The following CCR8 variants were observed in gnomAD, a reference collection of about 807,000 sequenced individuals.
CCR8 encodes C-C chemokine receptor type 8.
For synonymous variants in CCR8, 156 were observed against 165.7 expected, an observed-to-expected ratio of 0.94 and a Z score of 0.45; for missense variants, 358 against 417.5, an observed-to-expected ratio of 0.86 and a Z score of 1.24.
At position 39,332,371 on chromosome 3, in the gene CCR8, GACT is replaced by G. The variant is rs753918361; in HGVS notation, c.49_51del (p.Tyr17del). The G allele has an allele frequency of 3.7e-6, 6 of 1,613,908 alleles. No homozygotes were observed. In the Admixed American group the frequency reaches 5.0e-5, roughly 13 times the overall value. Reference sequence around the variant, plus strand: ...TGACCTCAGTGTGACAACAGTGACCGACTACTACTACCCTGATATCTTCTCAAG... The same window carrying G: ...TGACCTCAGTGTGACAACAGTGACCGACTACTACCCTGATATCTTCTCAAG... On this transcript the variant is annotated inframe_deletion, in exon 2 of 2. Coordinates refer to ENST00000326306, the MANE Select transcript of CCR8 (RefSeq NM_005201.4).
chr3:39,331,357 C>T (rs2041254006), intron 1 of CCR8, among the ~76,000 whole-genome samples: 2 of 152,180 alleles, frequency 1.3e-5, no homozygotes, highest in South Asian at 4.1e-4. Flanking sequence ...GCTGTGTCCT[C>T]ACATGGTCTT....
chr3:39,333,087 C>T lies in CCR8; in HGVS notation c.756C>T (p.Val252=). 1 of 1,614,116 alleles carries T rather than the reference C, an allele frequency of 6.2e-7. No individual in the cohort carries two copies. Among genetic ancestry groups the T allele is most frequent in the African/African-American group, 1.3e-5 (1 of 75,020 alleles). ...TCATTGCATCTTTACTTTTCTGGGT[C>T]CCATTCAACGTGGTTCTTTTCCTCA... is the stretch of plus-strand genomic sequence containing the variant. ...IVVIASLLFW[V]PFNVVLFLTS... The change falls in exon 2 of 2, where the codon GTC becomes GTT. Residue 252 remains valine, a synonymous_variant. Coordinates refer to ENST00000326306, the MANE Select transcript of CCR8 (RefSeq NM_005201.4).
Position 39,333,212 on chromosome 3 carries a change from G to A in CCR8, c.881G>A (p.Cys294Tyr), listed in dbSNP as rs774697769. The A allele has an allele frequency of 1.2e-6, 2 of 1,613,948 alleles. No homozygotes were observed. The highest frequency in any genetic ancestry group is 2.2e-5 in the East Asian group (1 of 44,896). ...GAAATCATTTCCTTTACTCACTGCTGTGTGAACCCTGTTATCTATGCTTTT... is the reference window on the plus strand; with the variant it reads ...GAAATCATTTCCTTTACTCACTGCTATGTGAACCCTGTTATCTATGCTTTT... Reference protein sequence around the residue: ...VTEIISFTHCCVNPVIYAFVG... With the variant: ...VTEIISFTHCYVNPVIYAFVG... The change falls in exon 2 of 2, where the codon TGT (cysteine) becomes TAT (tyrosine). Residue 294 changes from cysteine to tyrosine, a missense_variant. Cys to Tyr is a radical substitution (Grantham distance 194). Coordinates refer to ENST00000326306, the MANE Select transcript of CCR8 (RefSeq NM_005201.4).
rs2041272707 is a variant in CCR8 at position 39,333,427 on chromosome 3, C to T, written c.*28C>T. On this transcript the variant is annotated 3_prime_UTR_variant, in exon 2 of 2. Coordinates refer to ENST00000326306, the MANE Select transcript of CCR8 (RefSeq NM_005201.4). ...ATCAATGAAGACTAAATATAAAAAACATTTTCTTGAATGGCATGCTAGTAG... is the reference window on the plus strand; with the variant it reads ...ATCAATGAAGACTAAATATAAAAAATATTTTCTTGAATGGCATGCTAGTAG... 1.3e-6 allele frequency: 2 copies of T among 1,549,144 alleles called. No homozygotes were observed. Among genetic ancestry groups the T allele is most frequent in the South Asian group, 1.2e-5 (1 of 83,544 alleles).
rs1276260599 is a variant in CCR8, at chr3:39,333,098, T to C, written c.767T>C (p.Val256Ala). ...TTACTTTTCTGGGTCCCATTCAACG[T>C]GGTTCTTTTCCTCACTTCCTTGCAC... ...ASLLFWVPFN[V>A]VLFLTSLHSM... The change falls in exon 2 of 2, where the codon GTG becomes GCG. Residue 256 changes from valine to alanine, a missense_variant. By Grantham distance (64) the Val-to-Ala change is moderately conservative. Transcript: ENST00000326306. The C allele has an allele frequency of 6.2e-7, 1 of 1,614,152 alleles. No homozygotes were observed. The highest frequency in any genetic ancestry group is 1.1e-5 in the South Asian group (1 of 91,080).
intron 1 of CCR8, among the ~76,000 whole-genome samples, chr3:39,330,118 T>C (rs1180534082): frequency 6.6e-6 from 1 of 152,180 alleles, no homozygotes; most frequent in Non-Finnish European, 1.5e-5. Flanking sequence ...AGATCCTTTA[T>C]AATACCAGGC....
chr3:39,330,532 T>C (rs1257686393), intron 1 of CCR8, among the ~76,000 whole-genome samples: 2 of 152,248 alleles, frequency 1.3e-5, no homozygotes, highest in Non-Finnish European at 2.9e-5. Flanking sequence ...ATTGAATGTA[T>C]ATATCAATTT....
At chr3:39,331,922 TGA>T (rs113168898) in intron 1 of CCR8, among the ~76,000 whole-genome samples, 13 of 145,484 alleles carry the variant, frequency 8.9e-5, no homozygotes, top group Middle Eastern at 3.5e-3. Context: ...TCGGTTCAAG[TGA>T]TTCTTCTGCC....
At chr3:39,332,297 T>C in intron 1 of CCR8, 21 bp from the exon 2 acceptor site, 1 of 1,387,600 alleles carries the variant, frequency 7.2e-7, no homozygotes, top group Non-Finnish European at 1.0e-6. Context: ...GTGAATGTCT[T>C]TTATGTGTCT....
chr3:39,332,447 CT>C lies in CCR8; in HGVS notation c.117del (p.Val40SerfsTer27). On this transcript the variant is annotated frameshift_variant, in exon 2 of 2. Transcript: ENST00000326306. LOFTEE classifies it low-confidence loss of function (END_TRUNC). ...CAGACAAATGGCAAGTTGCTCCTTG[CT>C]GTCTTTTATTGCCTCCTGTTTGTAT... ...LIQTNGKLLL[A>X]VFYCLLFVFS... The C allele has an allele frequency of 6.2e-7, 1 of 1,614,050 alleles. No homozygotes were observed. Among genetic ancestry groups the C allele is most frequent in the South Asian group, 1.1e-5 (1 of 91,076 alleles).
intron 1 of CCR8, among the ~76,000 whole-genome samples, chr3:39,331,895 C>T (rs1293594191): frequency 1.4e-5 from 2 of 141,966 alleles, no homozygotes; most frequent in Non-Finnish European, 1.5e-5. Context: ...TCTCGGCTCA[C>T]AGCAACCTCC....
At position 39,332,995 on chromosome 3, in the gene CCR8, C is replaced by T. The variant is rs376632191; in HGVS notation, c.664C>T (p.Leu222=). The T allele has an allele frequency of 1.4e-5, 22 of 1,614,020 alleles. No individual in the cohort carries two copies. Among genetic ancestry groups the T allele is most frequent in the Non-Finnish European group, 1.8e-5 (21 of 1,180,016 alleles). Residue 222 remains leucine (L), a synonymous_variant, in exon 2 of 2, where the codon CTG becomes TTG. Coordinates refer to ENST00000326306, the MANE Select transcript of CCR8 (RefSeq NM_005201.4). ...TIFMFCYIKI[L]HQLKRCQNHN... is the part of the protein sequence containing the mutation. ...CTTTATGTTCTGCTACATTAAAATCCTGCACCAGCTGAAGAGGTGTCAAAA... is the reference window on the plus strand; with the variant it reads ...CTTTATGTTCTGCTACATTAAAATCTTGCACCAGCTGAAGAGGTGTCAAAA...
chr3:39,332,464 C>T lies in CCR8; in HGVS notation c.133C>T (p.Leu45=), dbSNP rs1002875454. Residue 45 remains leucine (L), a synonymous_variant, in exon 2 of 2, where the codon CTG becomes TTG. Coordinates refer to ENST00000326306, the MANE Select transcript of CCR8 (RefSeq NM_005201.4). The part of the protein sequence containing the change: ...KLLLAVFYCL[L]FVFSLLGNSL... ...GCTCCTTGCTGTCTTTTATTGCCTC[C>T]TGTTTGTATTCAGTCTTCTGGGAAA... is the stretch of plus-strand genomic sequence containing the variant. The T allele has an allele frequency of 1.9e-6, 3 of 1,613,964 alleles. No individual in the cohort carries two copies. The highest frequency in any genetic ancestry group is 3.3e-5 in the Admixed American group (2 of 59,990).
At chr3:39,331,933 C>A (rs970935026) in intron 1 of CCR8, among the ~76,000 whole-genome samples, 3 of 149,222 alleles carry the variant, frequency 2.0e-5, no homozygotes, top group Non-Finnish European at 3.0e-5. Context: ...GATTCTTCTG[C>A]CTCAGCCTCC....
At position 39,333,672 on chromosome 3, in the gene CCR8, C is replaced by T. The variant is rs2041274389; in HGVS notation, c.*273C>T. On this transcript the variant is annotated 3_prime_UTR_variant, in exon 2 of 2. Transcript: ENST00000326306. ...GTGAAAAAAAAAGATGTCTGACCTC[C>T]TTACATATGCAAAAATATACCTTCA... Among the ~76,000 whole-genome samples, 1 of 152,094 alleles carries T rather than the reference C, an allele frequency of 6.6e-6. No individual in the cohort carries two copies. The highest frequency in any genetic ancestry group is 2.4e-5 in the African/African-American group (1 of 41,394).
intron 1 of CCR8, among the ~76,000 whole-genome samples, chr3:39,331,535 C>G (rs980840029): frequency 2.0e-5 from 3 of 151,872 alleles, no homozygotes; most frequent in Admixed American, 6.6e-5. Flanking sequence ...GGCTTGATCT[C>G]GAGTCATTGC....
chr3:39,332,415 ACTTATT>A lies in CCR8; in HGVS notation c.86_91del (p.Leu29_Ile30del), dbSNP rs1326980288. The A allele has an allele frequency of 1.2e-6, 2 of 1,614,090 alleles. No homozygotes were observed. Among genetic ancestry groups the A allele is most frequent in the South Asian group, 2.2e-5 (2 of 91,082 alleles). On this transcript the variant is annotated inframe_deletion, in exon 2 of 2. Coordinates refer to ENST00000326306, the MANE Select transcript of CCR8 (RefSeq NM_005201.4). ...TCTTCTCAAGCCCCTGTGATGCGGAACTTATTCAGACAAATGGCAAGTTGCTCCTTG... is the reference window on the plus strand; with the variant it reads ...TCTTCTCAAGCCCCTGTGATGCGGAACAGACAAATGGCAAGTTGCTCCTTG...
chr3:39,329,762 G>A lies in CCR8; in HGVS notation c.-82G>A, dbSNP rs1385960017. The A allele has an allele frequency of 6.6e-6, 1 of 152,240 alleles. No homozygotes were observed. Among genetic ancestry groups the A allele is most frequent in the Non-Finnish European group, 1.5e-5 (1 of 68,082 alleles). 9.4% of individuals were successfully genotyped at this position (152,240 alleles called of 1,614,324 possible). On this transcript the variant is annotated 5_prime_UTR_variant, in exon 1 of 2. The change abolishes an upstream ATG in the 5' untranslated region. Coordinates refer to ENST00000326306, the MANE Select transcript of CCR8 (RefSeq NM_005201.4). ...GCTGCTCATTGAGCTGCACTCACAT[G>A]AGGATACAGACTTTGTGAAGAAGGA... is the stretch of plus-strand genomic sequence containing the variant.
intron 1 of CCR8, among the ~76,000 whole-genome samples, chr3:39,330,038 G>A (rs909471192): frequency 1.2e-4 from 19 of 152,244 alleles, no homozygotes; most frequent in African/African-American, 4.3e-4. Flanking sequence ...AGAGCAAACC[G>A]TGCCATATTC....
Sources: gnomAD v4.1 joint callset for allele counts (sites outside exome capture counted in the v4.1 genomes callset) on GRCh38, gnomAD v4.1.1 for gene constraint, MANE v1.5 for transcripts, NCBI Gene and HGNC (gene_info 2026-07-23, HGNC 2026-07-21) for gene names.